RAPGEF1: variants seen among roughly 807,000 people sequenced by gnomAD.
The protein encoded by RAPGEF1 is CRK SH3-binding GNRP.
RAPGEF1 carries 33 observed loss-of-function variants against 143.3 expected under a neutral mutation model. That is an observed-to-expected ratio of 0.23 (90% confidence interval 0.17 to 0.31). The LOEUF (loss-of-function observed/expected upper bound fraction) is 0.31. Among genes scored for constraint, RAPGEF1 ranks in the 10% least tolerant of loss-of-function variants. RAPGEF1 has a pLI of 1.00. For missense variants in RAPGEF1, 1,199 were observed against 1,645.4 expected (o/e 0.73, Z 4.69); for synonymous variants, 629 against 676.5 (o/e 0.93, Z 1.09).
At chr9:131,657,706 C>T (rs1972858786) in intron 1 of RAPGEF1, among the ~76,000 whole-genome samples, 1 of 152,194 alleles carries the variant, frequency 6.6e-6, no homozygotes, top group Admixed American at 6.5e-5. Flanking sequence ...GGGCTGGTGA[C>T]TGGCACACTG....
chr9:131,697,916 G>A (rs1834313726), intron 1 of RAPGEF1, among the ~76,000 whole-genome samples: 1 of 152,188 alleles, frequency 6.6e-6, no homozygotes, highest in South Asian at 2.1e-4. Flanking sequence ...AGAAAGAGAG[G>A]GGCCAGGATA....
At position 131,723,237 on chromosome 9, in the gene RAPGEF1, GATTAA is replaced by G. The variant is rs774423118; in HGVS notation, c.61+16528_61+16532del. ...ATAAAAATTTTAAAAAGATATTTAA[GATTAA>G]ATTATGTAATTATATAAACATTGAA... On this transcript the variant is annotated intron_variant, in intron 1 of 26. Transcript: ENST00000683357. Among the ~76,000 whole-genome samples the G allele has an allele frequency of 3.3e-5, 5 of 152,166 alleles. No individual in the cohort carries two copies. The South Asian group carries it at 8.3e-4, about 25-fold the overall frequency.
At chr9:131,727,113 G>C (rs1041548504) in intron 1 of RAPGEF1, among the ~76,000 whole-genome samples, 2 of 151,936 alleles carry the variant, frequency 1.3e-5, no homozygotes, top group African/African-American at 2.4e-5. Flanking sequence ...TATCCATGCA[G>C]GTATTCCACC....
chr9:131,661,891 G>T (rs938146090), intron 1 of RAPGEF1, among the ~76,000 whole-genome samples: 1 of 152,032 alleles, frequency 6.6e-6, no homozygotes, highest in Non-Finnish European at 1.5e-5. Flanking sequence ...ACATTCTTAG[G>T]ATCTTAAATC....
chr9:131,714,676 TC>T (rs1174019189), intron 1 of RAPGEF1, among the ~76,000 whole-genome samples: 3 of 151,262 alleles, frequency 2.0e-5, no homozygotes, highest in African/African-American at 7.3e-5. Flanking sequence ...GAGGCACTCT[TC>T]TGTCTTCTGG....
intron 1 of RAPGEF1, among the ~76,000 whole-genome samples, chr9:131,657,139 G>A (rs1972689406): frequency 6.6e-6 from 1 of 152,198 alleles, no homozygotes; most frequent in Non-Finnish European, 1.5e-5. Context: ...TGCTGAGGAG[G>A]TACTATAATG....
rs569558617 is a variant in RAPGEF1, at chr9:131,688,306, A to G, written c.62-37357T>C. On this transcript the variant is annotated intron_variant, in intron 1 of 26. Transcript: ENST00000683357. ...CCGAGTCTGTGAACACCTCCAGTCA[A>G]TGGTTTACACTCTGGTGTTGAATAA... 3.9e-5 allele frequency among the ~76,000 whole-genome samples: 6 copies of G among 152,348 alleles called. No homozygotes were observed. In the South Asian group the frequency reaches 1.2e-3, roughly 32 times the overall value.
At chr9:131,731,491 C>T (rs755025730) in intron 1 of RAPGEF1, among the ~76,000 whole-genome samples, 2 of 152,216 alleles carry the variant, frequency 1.3e-5, no homozygotes, top group Admixed American at 6.5e-5. Flanking sequence ...CTATTTAACA[C>T]GGTCACATTC....
At chr9:131,579,761 G>T in intron 26 of RAPGEF1, 114 bp from the exon 27 acceptor site, 1 of 1,131,998 alleles carries the variant, frequency 8.8e-7, no homozygotes, top group Non-Finnish European at 1.3e-6. Flanking sequence ...CGCAGCAAAC[G>T]GATGCTGCAG....
At chr9:131,653,112 T>TA in intron 1 of RAPGEF1, among the ~76,000 whole-genome samples, 1 of 152,194 alleles carries the variant, frequency 6.6e-6, no homozygotes, top group Non-Finnish European at 1.5e-5. Flanking sequence ...AGCCATCCCT[T>TA]AGCATCCTCA....
At chr9:131,706,387 T>C (rs148673853) in intron 1 of RAPGEF1, among the ~76,000 whole-genome samples, 1 of 152,088 alleles carries the variant, frequency 6.6e-6, no homozygotes, top group Non-Finnish European at 1.5e-5. Context: ...CTCAGCCTCC[T>C]GAGTAGCTGG....
In RAPGEF1 at chr9:131,650,281, A is replaced by G. The variant is rs775448999; in HGVS notation, c.202-39T>C. ...AACCTGGATTCCTACAGAGTTTGAAATGGCTGTTTGAGGCCGAAGGGAGGG... is the reference window on the plus strand; with the variant it reads ...AACCTGGATTCCTACAGAGTTTGAAGTGGCTGTTTGAGGCCGAAGGGAGGG... On this transcript the variant is annotated intron_variant, in intron 2 of 26. Transcript: ENST00000683357. The surrounding 1 kb of genome is among the most constrained non-coding windows in gnomAD (Gnocchi z 4.7). The G allele has an allele frequency of 1.3e-6, 2 of 1,525,808 alleles. No individual in the cohort carries two copies. Among genetic ancestry groups the G allele is most frequent in the Non-Finnish European group, 9.0e-7 (1 of 1,107,478 alleles). The allele number at this position is 1,525,808 out of a possible 1,614,324, so 94.5% of individuals were successfully genotyped here.
chr9:131,691,263 T>C (rs907269344), intron 1 of RAPGEF1, among the ~76,000 whole-genome samples: 3 of 152,246 alleles, frequency 2.0e-5, no homozygotes, highest in Non-Finnish European at 4.4e-5. Flanking sequence ...CTTCTCAAAA[T>C]CAATTTTAGA....
At chr9:131,618,697 T>A (rs908939762) in intron 12 of RAPGEF1, among the ~76,000 whole-genome samples, 2 of 152,004 alleles carry the variant, frequency 1.3e-5, no homozygotes, top group African/African-American at 4.8e-5. Flanking sequence ...TACAGGTGAG[T>A]GACACCACAC....
chr9:131,598,322 A>G lies in RAPGEF1; in HGVS notation c.2502-12T>C. ...GTGACTTTGGGGCCCTGCGGGGAGA[A>G]GTGGTTTGTGTTGCAAGTGTCAAAC... On this transcript the variant is annotated splice_polypyrimidine_tract_variant and intron_variant, in intron 15 of 26. Coordinates refer to ENST00000683357, the MANE Select transcript of RAPGEF1 (RefSeq NM_001377935.1). 1 of 1,611,190 alleles carries G rather than the reference A, an allele frequency of 6.2e-7. No individual in the cohort carries two copies. The highest frequency in any genetic ancestry group is 8.5e-7 in the Non-Finnish European group (1 of 1,178,126).
At chr9:131,644,057 T>C (rs1968830822) in intron 3 of RAPGEF1, among the ~76,000 whole-genome samples, 1 of 152,182 alleles carries the variant, frequency 6.6e-6, no homozygotes, top group African/African-American at 2.4e-5. Context: ...CAGATGACCG[T>C]GATTCTCAAG....
At chr9:131,645,765 C>A (rs1969414195) in intron 3 of RAPGEF1, among the ~76,000 whole-genome samples, 1 of 152,204 alleles carries the variant, frequency 6.6e-6, no homozygotes, top group African/African-American at 2.4e-5. Flanking sequence ...ACCTGCGCAC[C>A]CCTCCTGCTG....
rs996056987 is a variant in RAPGEF1 at position 131,594,907 on chromosome 9, C to A, written c.2689+1391G>T. On this transcript the variant is annotated intron_variant, in intron 17 of 26. Transcript: ENST00000683357. ...AGCCAGCTCCCATTTCAGCCCCTCG[C>A]TGTGGACAAAAAGGAAATGAAAGTC... 1.2e-4 allele frequency among the ~76,000 whole-genome samples: 19 copies of A among 152,298 alleles called. 1 individual carries two copies. The highest frequency in any genetic ancestry group is 4.1e-4 in the African/African-American group (17 of 41,564).
intron 18 of RAPGEF1, among the ~76,000 whole-genome samples, chr9:131,590,802 G>A (rs1954092398): frequency 1.3e-5 from 2 of 152,240 alleles, no homozygotes; most frequent in South Asian, 2.1e-4. Flanking sequence ...CATGATGGCT[G>A]AGCCAGGCAG....
Sources: gnomAD v4.1 joint callset for allele counts (sites outside exome capture counted in the v4.1 genomes callset) on GRCh38, gnomAD v4.1.1 for gene constraint, Gnocchi (gnomAD v3.1) non-coding constraint, MANE v1.5 for transcripts, NCBI Gene and HGNC (gene_info 2026-07-23, HGNC 2026-07-21) for gene names.